ARHGAP42: variants seen among roughly 807,000 people sequenced by gnomAD.
ARHGAP42 encodes the protein rho GTPase-activating protein 42.
Under a neutral mutation model 125.0 loss-of-function variants are expected in ARHGAP42, and 63 were observed. That is an observed-to-expected ratio of 0.50 (90% CI 0.41 to 0.62). ARHGAP42 has a LOEUF of 0.62. Among genes scored for constraint, ARHGAP42 ranks in the 20% least tolerant of loss-of-function variants. The pLI is 0.00. For missense variants in ARHGAP42, 766 were observed against 1,024.2 expected, an observed-to-expected ratio of 0.75 and a Z score of 3.44; for synonymous variants, 339 against 351.0, an observed-to-expected ratio of 0.97 and a Z score of 0.38.
chr11:100,879,437 A>G (rs1182407049), intron 4 of ARHGAP42, among the ~76,000 whole-genome samples: 1 of 152,144 alleles, frequency 6.6e-6, no homozygotes, highest in Non-Finnish European at 1.5e-5. Context: ...TTCTCTAGCT[A>G]GATTCTAACT....
rs182916441 is a variant in ARHGAP42 at position 100,973,155 on chromosome 11, T to G, written c.1551-20T>G. ...TTGAAACATATAACTTAAGATATTT[T>G]TGTTGCTTTTTATTTGCAGAGTATC... On this transcript the variant is annotated intron_variant, in intron 17 of 23. Transcript: ENST00000298815. 1.3e-3 allele frequency: 1,968 copies of G among 1,493,972 alleles called. 6 individuals are homozygous for G. The highest frequency in any genetic ancestry group is 1.7e-3 in the South Asian group (127 of 75,232). 92.5% of individuals were successfully genotyped at this position (1,493,972 alleles called of 1,614,324 possible). A position where few individuals can be genotyped will look rare whatever the true frequency, so the allele number is the denominator to read the frequency against.
intron 6 of ARHGAP42, among the ~76,000 whole-genome samples, chr11:100,932,463 A>G (rs1302097817): frequency 6.6e-6 from 1 of 152,142 alleles, no homozygotes; most frequent in Non-Finnish European, 1.5e-5. Context: ...CTGTAATTCC[A>G]TGGAGAGCCT....
At position 100,972,516 on chromosome 11, in the gene ARHGAP42, T is replaced by TTGGATGGATGGATGGA. The variant is rs111816630; in HGVS notation, c.1551-642_1551-627dup. Reference sequence around the variant, plus strand: ...TACTAGGGAGGTACTCAGGGAAGTTTTGGATGGATGGATGGATGGATGGAT... The same window carrying TTGGATGGATGGATGGA: ...TACTAGGGAGGTACTCAGGGAAGTTTTGGATGGATGGATGGATGGATGGATGGATGGATGGATGGAT... On this transcript the variant is annotated intron_variant, in intron 17 of 23. Transcript: ENST00000298815. 2.2e-3 allele frequency among the ~76,000 whole-genome samples: 332 copies of TTGGATGGATGGATGGA among 150,282 alleles called. 1 individual carries two copies. The highest frequency in any genetic ancestry group is 3.2e-3 in the Non-Finnish European group (219 of 67,640).
chr11:100,814,773 G>A (rs1451562747), intron 3 of ARHGAP42, among the ~76,000 whole-genome samples: 1 of 152,210 alleles, frequency 6.6e-6, no homozygotes, highest in Non-Finnish European at 1.5e-5. Context: ...TATTCTTGAA[G>A]GATCCACCTT....
At chr11:100,829,537 C>A (rs1171898002) in intron 3 of ARHGAP42, among the ~76,000 whole-genome samples, 1 of 152,086 alleles carries the variant, frequency 6.6e-6, no homozygotes, top group Non-Finnish European at 1.5e-5. Context: ...AAGGCATTAC[C>A]CACTTTACTA....
chr11:100,744,557 T>TGC (rs1555113080), intron 1 of ARHGAP42, among the ~76,000 whole-genome samples: 2,444 of 150,494 alleles, frequency 0.016, 71 homozygotes, highest in African/African-American at 0.054. Context: ...TGTGTGTGTG[T>TGC]GTGTGTGCGT....
intron 3 of ARHGAP42, among the ~76,000 whole-genome samples, chr11:100,807,877 A>C (rs903994185): frequency 2.0e-5 from 3 of 152,180 alleles, no homozygotes; most frequent in African/African-American, 7.2e-5. Context: ...GTTGGCCATC[A>C]CTTTCCATTG....
At chr11:100,695,019 A>C in intron 1 of ARHGAP42, among the ~76,000 whole-genome samples, 1 of 152,240 alleles carries the variant, frequency 6.6e-6, no homozygotes. Context: ...TGACAGAGTG[A>C]GACTGTCTCA....
chr11:100,881,829 TTTTGTTTG>T (rs142882226), intron 4 of ARHGAP42, among the ~76,000 whole-genome samples: 10,912 of 151,834 alleles, frequency 0.072, 530 homozygotes, highest in East Asian at 0.25. Flanking sequence ...TTTTGTTAGT[TTTTGTTTG>T]TTTGTTTGTT....
intron 3 of ARHGAP42, chr11:100,840,777 G>T (rs1328868880): frequency 6.6e-6 from 1 of 152,106 alleles, no homozygotes; most frequent in African/African-American, 2.4e-5. Context: ...ATAATATATA[G>T]AAGTGTCTAA....
Position 100,724,238 on chromosome 11 carries a change from G to A in ARHGAP42, c.154+36406G>A, listed in dbSNP as rs1015890218. ...CGATTTGCTAGTATTTTGTTGAGGAGTTTTATTTCTATGTTCGTGGGAGAT... is the reference window on the plus strand; with the variant it reads ...CGATTTGCTAGTATTTTGTTGAGGAATTTTATTTCTATGTTCGTGGGAGAT... On this transcript the variant is annotated intron_variant, in intron 1 of 23. Coordinates refer to ENST00000298815, the MANE Select transcript of ARHGAP42 (RefSeq NM_152432.4). 1.9e-4 allele frequency among the ~76,000 whole-genome samples: 29 copies of A among 151,934 alleles called. 2 individuals carry two copies. The highest frequency in any genetic ancestry group is 6.8e-4 in the African/African-American group (28 of 41,392).
At chr11:100,886,672 A>G (rs1271288597) in intron 4 of ARHGAP42, among the ~76,000 whole-genome samples, 3 of 152,212 alleles carry the variant, frequency 2.0e-5, no homozygotes, top group Non-Finnish European at 4.4e-5. Context: ...GATGTATTGC[A>G]TGTGCAAGTT....
chr11:100,805,999 T>C (rs927412451), intron 3 of ARHGAP42, among the ~76,000 whole-genome samples: 1 of 152,174 alleles, frequency 6.6e-6, no homozygotes, highest in Non-Finnish European at 1.5e-5. Context: ...CCCAACCTCC[T>C]GGGAAAGTAG....
At chr11:100,807,020 G>A (rs7941077) in intron 3 of ARHGAP42, among the ~76,000 whole-genome samples, 84,538 of 151,480 alleles carry the variant, frequency 0.56, 24,692 homozygotes, top group South Asian at 0.72. Context: ...GCTAATTTTT[G>A]TATTTTTAAT....
At chr11:100,840,097 G>A (rs1192892545) in intron 3 of ARHGAP42, among the ~76,000 whole-genome samples, 1 of 152,100 alleles carries the variant, frequency 6.6e-6, no homozygotes, top group Non-Finnish European at 1.5e-5. Flanking sequence ...GTAGTGTAAT[G>A]CTTGAAAAAG....
At chr11:100,876,243 A>G (rs1224094260) in intron 4 of ARHGAP42, among the ~76,000 whole-genome samples, 3 of 152,220 alleles carry the variant, frequency 2.0e-5, no homozygotes, top group Non-Finnish European at 4.4e-5. Context: ...AGACACCACA[A>G]ATTTTTATTT....
chr11:100,823,189 G>A (rs115140646), intron 3 of ARHGAP42, among the ~76,000 whole-genome samples: 9 of 152,266 alleles, frequency 5.9e-5, no homozygotes, highest in South Asian at 2.1e-4. Flanking sequence ...CAATTGGTAG[G>A]TTCGCACTGA....
At chr11:100,753,515 G>A (rs1277049439) in intron 1 of ARHGAP42, among the ~76,000 whole-genome samples, 1 of 152,206 alleles carries the variant, frequency 6.6e-6, no homozygotes, top group African/African-American at 2.4e-5. Context: ...TCAACCCCTG[G>A]TTCTGGCCAA....
Position 100,859,540 on chromosome 11 carries a change from A to T in ARHGAP42, c.313-14A>T, listed in dbSNP as rs1006614086. On this transcript the variant is annotated splice_polypyrimidine_tract_variant and intron_variant, in intron 3 of 23. Coordinates refer to ENST00000298815, the MANE Select transcript of ARHGAP42 (RefSeq NM_152432.4). ...ATTATGCAAGATTTAATATATGTGC[A>T]TTTTTTATTTCAGATCCAAAACGCT... is the stretch of plus-strand genomic sequence containing the variant. The T allele has an allele frequency of 2.6e-6, 4 of 1,528,144 alleles. No homozygotes were observed. The highest frequency in any genetic ancestry group is 3.5e-6 in the Non-Finnish European group (4 of 1,138,930). The allele number at this position is 1,528,144 out of a possible 1,614,324, so 94.7% of individuals were successfully genotyped here.
Sources: gnomAD v4.1 joint callset for allele counts (sites outside exome capture counted in the v4.1 genomes callset) on GRCh38, gnomAD v4.1.1 for gene constraint, MANE v1.5 for transcripts, NCBI Gene and HGNC (gene_info 2026-07-23, HGNC 2026-07-21) for gene names.